The following NRG1 variants were observed in gnomAD, a reference collection of about 807,000 sequenced individuals.
NRG1 encodes pro-neuregulin-1, membrane-bound isoform.
NRG1 carries 18 observed loss-of-function variants against 63.8 expected under a neutral mutation model. The observed-to-expected ratio is 0.28, with a 90% CI of 0.19 to 0.42. The LOEUF (loss-of-function observed/expected upper bound fraction) is 0.42. Among genes scored for constraint, NRG1 ranks in the 10% least tolerant of loss-of-function variants. The probability of loss-of-function intolerance (pLI) is 1.00; values close to 1 mark genes in which losing one functional copy is unlikely to be tolerated. For synonymous variants in NRG1, 302 were observed against 301.3 expected, an observed-to-expected ratio of 1.00 and a Z score of -0.02; for missense variants, 762 against 814.7, an observed-to-expected ratio of 0.94 and a Z score of 0.79.
chr8:32,347,628 G>A (rs1805077901), intron 1 of NRG1, among the ~76,000 whole-genome samples: 1 of 152,086 alleles, frequency 6.6e-6, no homozygotes, highest in Non-Finnish European at 1.5e-5. Flanking sequence ...AAACATGAAG[G>A]TCTGTAGCCG....
chr8:32,099,869 A>C (rs1038966469), intron 1 of NRG1: 7 of 152,344 alleles, frequency 4.6e-5, no homozygotes, highest in Non-Finnish European at 8.8e-5. Flanking sequence ...AGTTGCAGAA[A>C]GAAACAACCT....
intron 1 of NRG1, among the ~76,000 whole-genome samples, chr8:31,648,908 C>T (rs548689381): frequency 6.6e-6 from 1 of 152,248 alleles, no homozygotes; most frequent in South Asian, 2.1e-4. Context: ...TGGGTATATA[C>T]ACAGAAGCAG....
chr8:32,370,857 C>CAAAAA (rs570354347), intron 1 of NRG1, among the ~76,000 whole-genome samples: 4 of 52,052 alleles, frequency 7.7e-5, no homozygotes, highest in African/African-American at 3.5e-4. Flanking sequence ...GACTCTGTCT[C>CAAAAA]AAAAAAAAAA....
At chr8:31,652,071 T>C (rs2130885358) in intron 1 of NRG1, among the ~76,000 whole-genome samples, 1 of 152,288 alleles carries the variant, frequency 6.6e-6, no homozygotes, top group Non-Finnish European at 1.5e-5. Context: ...CCACAGTTAT[T>C]CCCAGTGACT....
intron 8 of NRG1, 62 bp downstream of exon 8, chr8:32,754,536 G>C: frequency 6.7e-7 from 1 of 1,496,384 alleles, no homozygotes; most frequent in Non-Finnish European, 9.2e-7. Flanking sequence ...AGATGGCCAG[G>C]GCTTTGCAGA....
intron 1 of NRG1, among the ~76,000 whole-genome samples, chr8:32,108,407 C>G (rs1001827026): frequency 6.6e-6 from 1 of 152,128 alleles, no homozygotes; most frequent in Non-Finnish European, 1.5e-5. Flanking sequence ...TATGTTCTCA[C>G]CTGGCAGAAG....
intron 1 of NRG1, among the ~76,000 whole-genome samples, chr8:31,958,043 C>CTAGA (rs1201463539): frequency 2.6e-5 from 1 of 38,286 alleles, no homozygotes. Flanking sequence ...TCAGTAGAGA[C>CTAGA]CAGATAGATA....
chr8:31,743,895 T>TG, intron 1 of NRG1, among the ~76,000 whole-genome samples: 1 of 152,060 alleles, frequency 6.6e-6, no homozygotes, highest in Middle Eastern at 3.4e-3. Flanking sequence ...TGCCTTACCT[T>TG]GGAAAAAAAA....
chr8:32,112,394 T>C (rs1332112731), intron 1 of NRG1, among the ~76,000 whole-genome samples: 1 of 152,204 alleles, frequency 6.6e-6, no homozygotes, highest in Admixed American at 6.5e-5. Context: ...AATGCTGTTG[T>C]GAATGGGCAG....
chr8:31,668,441 G>T lies in NRG1; in HGVS notation c.37+29010G>T, dbSNP rs188603992. Among the ~76,000 whole-genome samples, 6 of 152,242 alleles carry T rather than the reference G, an allele frequency of 3.9e-5. No individual in the cohort carries two copies. The East Asian group carries it at 1.2e-3, about 29-fold the overall frequency. On this transcript the variant is annotated intron_variant, in intron 1 of 10. Transcript: ENST00000519301. ...TAGTAACAGAGAGGGATATCTCTTT[G>T]TCTTGGATTTCCTTTATATTGTGTG...
At chr8:31,730,429 A>G (rs1485752925) in intron 1 of NRG1, among the ~76,000 whole-genome samples, 1 of 152,152 alleles carries the variant, frequency 6.6e-6, no homozygotes, top group East Asian at 1.9e-4. Flanking sequence ...ACTCATGCCC[A>G]TGTATATACA....
Position 31,960,686 on chromosome 8 carries a change from G to A in NRG1, c.37+321255G>A, listed in dbSNP as rs902730085. Among the ~76,000 whole-genome samples, 8 of 152,200 alleles carry A rather than the reference G, an allele frequency of 5.3e-5. No homozygotes were observed. In the East Asian group the frequency reaches 9.6e-4, roughly 18 times the overall value. On this transcript the variant is annotated intron_variant, in intron 1 of 10. Coordinates refer to the NRG1 transcript ENST00000519301. ...AAGAAGTGATAATTCTTAAAGCTTA[G>A]AGTGCTAAACTGCAACTCAGTTGAG...
intron 1 of NRG1, among the ~76,000 whole-genome samples, chr8:31,976,539 T>G (rs1808207538): frequency 6.6e-6 from 1 of 152,110 alleles, no homozygotes; most frequent in Admixed American, 6.5e-5. Flanking sequence ...TATAGCAAAA[T>G]AATCCTCTAA....
At chr8:32,285,933 T>C (rs1853468798) in intron 1 of NRG1, among the ~76,000 whole-genome samples, 1 of 152,148 alleles carries the variant, frequency 6.6e-6, no homozygotes, top group Non-Finnish European at 1.5e-5. Flanking sequence ...AATTGAGCCA[T>C]AAGATCTTTT....
At chr8:32,365,753 G>A (rs1587100028) in intron 1 of NRG1, among the ~76,000 whole-genome samples, 1 of 152,212 alleles carries the variant, frequency 6.6e-6, no homozygotes, top group South Asian at 2.1e-4. Flanking sequence ...TAAAGCTGGT[G>A]TAGACACACA....
chr8:32,270,279 C>T (rs1262049639), intron 1 of NRG1, among the ~76,000 whole-genome samples: 8 of 152,218 alleles, frequency 5.3e-5, no homozygotes, highest in African/African-American at 1.4e-4. Context: ...TTGTCCAAGC[C>T]GTCAAGGAGG....
At chr8:31,996,197 T>C (rs1811943329) in intron 1 of NRG1, among the ~76,000 whole-genome samples, 1 of 151,946 alleles carries the variant, frequency 6.6e-6, no homozygotes, top group African/African-American at 2.4e-5. Flanking sequence ...TCATAAAATT[T>C]ATACAGTCTT....
intron 1 of NRG1, among the ~76,000 whole-genome samples, chr8:32,045,533 A>C (rs764705764): frequency 7.2e-5 from 11 of 151,990 alleles, no homozygotes; most frequent in Non-Finnish European, 1.6e-4. Context: ...GCACTTCTTG[A>C]AAGAAATGGA....
chr8:32,413,119 T>A (rs1815347387), intron 1 of NRG1, among the ~76,000 whole-genome samples: 1 of 152,202 alleles, frequency 6.6e-6, no homozygotes, highest in Admixed American at 6.5e-5. Flanking sequence ...GATCTAGCCA[T>A]CTTATCCTAA....
Sources: allele counts gnomAD v4.1 joint callset (sites outside exome capture counted in the v4.1 genomes callset), GRCh38; gene constraint gnomAD v4.1.1; transcripts MANE v1.5; gene names NCBI Gene and HGNC (gene_info 2026-07-23, HGNC 2026-07-21).